The following DIS3L2 variants were observed in gnomAD, a reference collection of about 807,000 sequenced individuals.
DIS3L2 encodes DIS3 like 3'-5' exoribonuclease 2.
In DIS3L2, 34 loss-of-function variants were observed where a neutral mutation model predicts 97.5. That is an observed-to-expected ratio of 0.35 (90% CI 0.27 to 0.46). The LOEUF is 0.46. Among genes scored for constraint, DIS3L2 ranks in the 20% least tolerant of loss-of-function variants. The pLI, the probability that DIS3L2 is intolerant of heterozygous loss-of-function variation, is 1.00. For missense variants in DIS3L2, 1,038 were observed against 1,146.0 expected (o/e 0.91, Z 1.36); for synonymous variants, 435 against 445.2 (o/e 0.98, Z 0.29).
intron 5 of DIS3L2, among the ~76,000 whole-genome samples, chr2:232,045,950 CA>C (rs752208908): frequency 2.6e-5 from 4 of 152,106 alleles, no homozygotes; most frequent in African/African-American, 4.8e-5. Flanking sequence ...GCTGGGATTA[CA>C]GGCGTGAGCC....
intron 1 of DIS3L2, among the ~76,000 whole-genome samples, chr2:232,007,266 G>A (rs1022665718): frequency 9.9e-5 from 15 of 152,210 alleles, no homozygotes; most frequent in Non-Finnish European, 1.8e-4. Flanking sequence ...AAAATAGAAA[G>A]CGAAGATAGG....
In DIS3L2 at chr2:232,325,858, G is replaced by C. The variant is rs1575020267; in HGVS notation, c.1740-3955G>C. 6.6e-6 allele frequency among the ~76,000 whole-genome samples: 1 copy of C among 152,220 alleles called. No individual in the cohort carries two copies. The highest frequency in any genetic ancestry group is 1.5e-5 in the Non-Finnish European group (1 of 68,016). On this transcript the variant is annotated intron_variant, in intron 14 of 20. Transcript: ENST00000325385. This position sits in a 1 kb window ranked among gnomAD's most constrained non-coding sequence, Gnocchi z 4.6. ...TGCTGGGAGGAGTGGGGTGACACTA[G>C]GGCCAGTGCCCACATCAGAGGAGGA...
In DIS3L2 at chr2:232,079,627, TAAAG is replaced by T. The variant is rs796760799; in HGVS notation, c.367-7856_367-7853del. On this transcript the variant is annotated intron_variant, in intron 5 of 20. Transcript: ENST00000325385. ...AAAAAAAAAAAAAAAAAAAAAAAAGTAAAGAAAAGAAAGTAAAGCTGGATAAGGG... is the reference window on the plus strand; with the variant it reads ...AAAAAAAAAAAAAAAAAAAAAAAAGTAAAAGAAAGTAAAGCTGGATAAGGG... 7.1e-3 allele frequency among the ~76,000 whole-genome samples: 612 copies of T among 86,754 alleles called. 7 individuals are homozygous for T. The highest frequency in any genetic ancestry group is 0.027 in the African/African-American group (572 of 21,064). 56.9% of individuals were successfully genotyped at this position (86,754 alleles called of 152,430 possible).
chr2:232,168,994 C>G (rs1205465413), intron 9 of DIS3L2, among the ~76,000 whole-genome samples: 1 of 152,154 alleles, frequency 6.6e-6, no homozygotes, highest in African/African-American at 2.4e-5. Context: ...GATGTATTCA[C>G]TGCCCTTGTG....
intron 13 of DIS3L2, among the ~76,000 whole-genome samples, chr2:232,299,266 C>CTCTGTGG (rs1220054229): frequency 5.3e-5 from 8 of 152,236 alleles, no homozygotes; most frequent in African/African-American, 1.9e-4. Context: ...GTTGCTTCTG[C>CTCTGTGG]TCTGTGGTCT....
At chr2:232,003,883 T>C (rs1693973887) in intron 1 of DIS3L2, among the ~76,000 whole-genome samples, 1 of 152,222 alleles carries the variant, frequency 6.6e-6, no homozygotes, top group African/African-American at 2.4e-5. Flanking sequence ...ATTTTCTCTG[T>C]ATTGTTCGTT....
chr2:232,069,756 C>G (rs548015991), intron 5 of DIS3L2, among the ~76,000 whole-genome samples: 2 of 152,256 alleles, frequency 1.3e-5, no homozygotes, highest in African/African-American at 4.8e-5. Context: ...TCATCCTTCT[C>G]TATGAGGAGA....
intron 8 of DIS3L2, among the ~76,000 whole-genome samples, chr2:232,146,546 C>T (rs778121592): frequency 2.1e-4 from 32 of 152,134 alleles, no homozygotes; most frequent in Non-Finnish European, 4.1e-4. Context: ...GTGGTGGTTT[C>T]TCTATGGTTG....
intron 5 of DIS3L2, among the ~76,000 whole-genome samples, chr2:232,030,758 T>A (rs1393393963): frequency 6.6e-6 from 1 of 152,208 alleles, no homozygotes; most frequent in Non-Finnish European, 1.5e-5. Flanking sequence ...ATTGGAGACA[T>A]GTATCTAAGT....
At chr2:232,224,284 G>C (rs1474702271) in intron 10 of DIS3L2, among the ~76,000 whole-genome samples, 1 of 152,162 alleles carries the variant, frequency 6.6e-6, no homozygotes, top group African/African-American at 2.4e-5. Flanking sequence ...TACTAGACTG[G>C]TTGGATATCC....
intron 8 of DIS3L2, among the ~76,000 whole-genome samples, chr2:232,139,604 T>C (rs978305341): frequency 1.1e-4 from 16 of 152,180 alleles, no homozygotes; most frequent in Admixed American, 2.0e-4. Flanking sequence ...CTCTTTGAGT[T>C]CTACCTACAG....
chr2:232,212,862 G>A (rs1289068959), intron 10 of DIS3L2, among the ~76,000 whole-genome samples: 1 of 152,166 alleles, frequency 6.6e-6, no homozygotes, highest in African/African-American at 2.4e-5. Flanking sequence ...GGAAATGAAT[G>A]TTGGGGTTGA....
At chr2:231,997,692 C>T (rs143550473) in intron 1 of DIS3L2, among the ~76,000 whole-genome samples, 7 of 152,270 alleles carry the variant, frequency 4.6e-5, no homozygotes, top group African/African-American at 1.2e-4. Context: ...ATAAAAGAGA[C>T]GAGAGAATGG....
At chr2:232,161,120 G>A (rs183826375) in intron 8 of DIS3L2, among the ~76,000 whole-genome samples, 4 of 152,224 alleles carry the variant, frequency 2.6e-5, no homozygotes, top group African/African-American at 9.6e-5. Flanking sequence ...GTTTCACCAT[G>A]TTGACCAGGA....
chr2:232,132,454 A>G (rs1353176888), intron 7 of DIS3L2, among the ~76,000 whole-genome samples: 4 of 152,190 alleles, frequency 2.6e-5, no homozygotes, highest in South Asian at 2.1e-4. Flanking sequence ...AAAAAACAAG[A>G]GGCAACCAAA....
intron 5 of DIS3L2, among the ~76,000 whole-genome samples, chr2:232,064,907 T>A (rs762820692): frequency 5.3e-5 from 8 of 152,180 alleles, no homozygotes; most frequent in Non-Finnish European, 1.2e-4. Flanking sequence ...TTGTAAGAGT[T>A]CTTTATATAA....
intron 13 of DIS3L2, among the ~76,000 whole-genome samples, chr2:232,298,781 G>C (rs1694784099): frequency 6.6e-6 from 1 of 152,190 alleles, no homozygotes; most frequent in Non-Finnish European, 1.5e-5. Context: ...TATAAACATA[G>C]TAGTTGGCTT....
intron 9 of DIS3L2, among the ~76,000 whole-genome samples, chr2:232,168,130 C>T (rs1306564180): frequency 1.3e-5 from 2 of 152,164 alleles, no homozygotes; most frequent in Non-Finnish European, 2.9e-5. Flanking sequence ...TATACACTTA[C>T]ATCATTTTAG....
chr2:232,097,100 G>A (rs1697044839), intron 6 of DIS3L2, among the ~76,000 whole-genome samples: 1 of 152,158 alleles, frequency 6.6e-6, no homozygotes, highest in South Asian at 2.1e-4. Flanking sequence ...TTTGTGTATT[G>A]TAATCTAAGC....
Sources: gnomAD v4.1 joint callset for allele counts (sites outside exome capture counted in the v4.1 genomes callset) on GRCh38, gnomAD v4.1.1 for gene constraint, Gnocchi (gnomAD v3.1) non-coding constraint, MANE v1.5 for transcripts, NCBI Gene and HGNC (gene_info 2026-07-23, HGNC 2026-07-21) for gene names.